The following RASA1 variants were observed in gnomAD, a reference collection of about 807,000 sequenced individuals.
RASA1 encodes the protein RAS p21 protein activator 1.
Under a neutral mutation model 132.2 loss-of-function variants are expected in RASA1, and 25 were observed. The observed-to-expected ratio is 0.19, with a 90% CI of 0.14 to 0.26. The LOEUF (loss-of-function observed/expected upper bound fraction) is 0.26. Ranked by LOEUF, RASA1 falls within the 10% of genes least tolerant of loss-of-function variation. RASA1 has a pLI of 1.00. For synonymous variants in RASA1, 477 were observed against 449.9 expected (o/e 1.06, Z -0.76); for missense variants, 964 against 1,299.2 (o/e 0.74, Z 3.97).
intron 1 of RASA1, among the ~76,000 whole-genome samples, chr5:87,287,147 CGTATATATACACT>C (rs1228012039): frequency 1.6e-4 from 21 of 135,222 alleles, no homozygotes; most frequent in African/African-American, 5.9e-4. Flanking sequence ...ATATACACAC[CGTATATATACACT>C]GTATATATAC....
At chr5:87,325,839 A>G (rs944393019) in intron 1 of RASA1, among the ~76,000 whole-genome samples, 1 of 152,180 alleles carries the variant, frequency 6.6e-6, no homozygotes, top group African/African-American at 2.4e-5. Context: ...GCCTGTCTGT[A>G]TTCACACTAG....
chr5:87,308,261 G>T (rs1755713088), intron 1 of RASA1, among the ~76,000 whole-genome samples: 1 of 151,726 alleles, frequency 6.6e-6, no homozygotes, highest in African/African-American at 2.4e-5. Flanking sequence ...CTTGCTTTGT[G>T]ACCACAATAT....
chr5:87,353,031 T>C (rs577068423), intron 8 of RASA1, 126 bp from the exon 9 acceptor site: 1 of 681,266 alleles, frequency 1.5e-6, no homozygotes, highest in East Asian at 2.7e-5. Flanking sequence ...TATTAATGTA[T>C]TTGTGTTATG....
intron 5 of RASA1, among the ~76,000 whole-genome samples, chr5:87,340,186 G>T (rs977261773): frequency 6.6e-6 from 1 of 152,052 alleles, no homozygotes; most frequent in African/African-American, 2.4e-5. Flanking sequence ...AGATTGCCTT[G>T]TAAAATTTGA....
chr5:87,362,883 TTTC>T, intron 10 of RASA1, among the ~76,000 whole-genome samples: 1 of 151,702 alleles, frequency 6.6e-6, no homozygotes, highest in Middle Eastern at 3.4e-3. Flanking sequence ...CTACCCATGG[TTTC>T]TTTTTTTCTT....
At chr5:87,269,181 C>T in intron 1 of RASA1, 191 bp downstream of exon 1, 1 of 1,605,622 alleles carries the variant, frequency 6.2e-7, no homozygotes, top group Non-Finnish European at 8.5e-7. Context: ...TGGCGTCTTC[C>T]TACATTTATT....
At chr5:87,379,888 A>G (rs1024442060) in intron 19 of RASA1, 38 bp downstream of exon 19, 6 of 1,587,554 alleles carry the variant, frequency 3.8e-6, no homozygotes, top group Non-Finnish European at 4.3e-6. Context: ...GAAATTGTGT[A>G]TCTATGTCTT....
intron 15 of RASA1, among the ~76,000 whole-genome samples, chr5:87,375,666 A>G (rs1488301332): frequency 2.6e-5 from 4 of 152,214 alleles, no homozygotes; most frequent in African/African-American, 9.7e-5. Flanking sequence ...AAAGGCTCCC[A>G]GTTCCTGTCC....
chr5:87,278,832 AG>A (rs1333557729), intron 1 of RASA1, among the ~76,000 whole-genome samples: 1 of 151,686 alleles, frequency 6.6e-6, no homozygotes, highest in Non-Finnish European at 1.5e-5. Context: ...CTTCACCACT[AG>A]AATCTCTCAT....
rs1027956355 is a variant in RASA1, at chr5:87,376,515, T to C, written c.2134T>C (p.Tyr712His). The C allele has an allele frequency of 1.2e-6, 2 of 1,614,054 alleles. No homozygotes were observed. Among genetic ancestry groups the C allele is most frequent in the Middle Eastern group, 1.6e-4 (1 of 6,062 alleles). The change falls in exon 16 of 25, where the codon TAC becomes CAC. Residue 712 changes from tyrosine (Y) to histidine (H), a missense_variant. Physicochemically the swap from Tyr to His is moderately conservative, Grantham distance 83. This residue lies in a region of RASA1 where 346 missense variants were observed against 520.1 expected (regional missense o/e 0.67). Coordinates refer to ENST00000274376, the MANE Select transcript of RASA1 (RefSeq NM_002890.3). ...AGGGTCCCTGCGTGTTCGAGCACGA[T>C]ACTCTATGGAAAAAATCATGCCAGA... Reference protein sequence around the residue: ...EPGSLRVRARYSMEKIMPEEE... With the variant: ...EPGSLRVRARHSMEKIMPEEE...
At chr5:87,286,895 T>C (rs1312731548) in intron 1 of RASA1, among the ~76,000 whole-genome samples, 1 of 149,742 alleles carries the variant, frequency 6.7e-6, no homozygotes, top group Non-Finnish European at 1.5e-5. Flanking sequence ...CATATACATA[T>C]ACACCATATA....
intron 1 of RASA1, among the ~76,000 whole-genome samples, chr5:87,279,750 A>G (rs1754229728): frequency 6.6e-6 from 1 of 152,210 alleles, no homozygotes; most frequent in Admixed American, 6.5e-5. Flanking sequence ...ATGTCTAATT[A>G]TATTAGTCAG....
At chr5:87,320,893 C>G (rs1158134715) in intron 1 of RASA1, among the ~76,000 whole-genome samples, 2 of 152,318 alleles carry the variant, frequency 1.3e-5, no homozygotes, top group Admixed American at 1.3e-4. Flanking sequence ...TAGAGTTACA[C>G]ATAGTCTGAT....
intron 9 of RASA1, among the ~76,000 whole-genome samples, chr5:87,353,683 CTGAG>C (rs1759445174): frequency 6.6e-6 from 1 of 152,070 alleles, no homozygotes; most frequent in South Asian, 2.1e-4. Context: ...TCTGTATACT[CTGAG>C]TGAAAACTGT....
intron 1 of RASA1, among the ~76,000 whole-genome samples, chr5:87,326,504 T>C (rs1018647306): frequency 6.6e-6 from 1 of 152,226 alleles, no homozygotes; most frequent in Non-Finnish European, 1.5e-5. Flanking sequence ...TATGTACTTC[T>C]TGAATTTCCT....
chr5:87,310,257 TA>T lies in RASA1; in HGVS notation c.540-21085del, dbSNP rs201651205. On this transcript the variant is annotated intron_variant, in intron 1 of 24. Transcript: ENST00000274376. ...CTATCAAGAAGAAAATAAGGAATTT[TA>T]AAAAAGAATTCCATAGATGTGTGAT... Among the ~76,000 whole-genome samples the T allele has an allele frequency of 5.9e-3, 897 of 152,238 alleles. 46 individuals are homozygous for T. The highest frequency in any genetic ancestry group is 0.054 in the Admixed American group (830 of 15,284).
intron 1 of RASA1, among the ~76,000 whole-genome samples, chr5:87,280,765 C>CT (rs1456213106): frequency 8.0e-5 from 12 of 150,662 alleles, no homozygotes; most frequent in Admixed American, 1.3e-4. Flanking sequence ...TTCTTTCTTT[C>CT]TTTTTTTTTG....
At chr5:87,286,304 T>G (rs557577710) in intron 1 of RASA1, among the ~76,000 whole-genome samples, 2 of 152,256 alleles carry the variant, frequency 1.3e-5, no homozygotes, top group East Asian at 3.9e-4. Context: ...TTTACTTTGA[T>G]TCACACCCTC....
intron 1 of RASA1, among the ~76,000 whole-genome samples, chr5:87,326,763 C>T (rs1757260236): frequency 6.6e-6 from 1 of 152,050 alleles, no homozygotes; most frequent in Non-Finnish European, 1.5e-5. Flanking sequence ...AATAGAATTT[C>T]TAGTTTATTA....
Sources: gnomAD v4.1 joint callset for allele counts (sites outside exome capture counted in the v4.1 genomes callset) on GRCh38, gnomAD v4.1.1 for gene constraint, gnomAD v4.1.1 regional missense constraint, MANE v1.5 for transcripts, NCBI Gene and HGNC (gene_info 2026-07-23, HGNC 2026-07-21) for gene names.